Variants in SOD2 observed in about 807,000 individuals in gnomAD.
The protein encoded by SOD2 is superoxide dismutase [Mn], mitochondrial.
SOD2 carries 11 observed loss-of-function variants against 27.0 expected under a neutral mutation model. The ratio of observed to expected loss-of-function variants is 0.41; its 90% CI spans 0.26 to 0.67. The LOEUF (loss-of-function observed/expected upper bound fraction) is 0.67. Among genes scored for constraint, SOD2 ranks in the 30% least tolerant of loss-of-function variants. SOD2 has a pLI of 0.34. For missense variants in SOD2, 250 were observed against 274.5 expected (o/e 0.91, Z 0.63); for synonymous variants, 105 against 103.0 (o/e 1.02, Z -0.12).
At chr6:159,756,071 CAGT>C (rs1203750671) in intron 1 of SOD2, 2 of 154,094 alleles carry the variant, frequency 1.3e-5, no homozygotes, top group Admixed American at 6.5e-5. Context: ...TTGCCCAGTA[CAGT>C]AGTTTTTTAT....
chr6:159,739,186 A>G (rs1474463512), intron 1 of SOD2: 3 of 628,886 alleles, frequency 4.8e-6, no homozygotes, highest in East Asian at 3.1e-5. Context: ...TGAGCATACT[A>G]TGACCTATTT....
intron 1 of SOD2, among the ~76,000 whole-genome samples, chr6:159,732,886 AGTGT>A (rs67554039): frequency 7.5e-4 from 110 of 146,488 alleles, no homozygotes; most frequent in African/African-American, 2.1e-3. Flanking sequence ...ATATATATAT[AGTGT>A]GTGTGTGTGT....
intron 1 of SOD2, among the ~76,000 whole-genome samples, chr6:159,700,412 T>G (rs768341886): frequency 1.1e-4 from 17 of 152,170 alleles, no homozygotes; most frequent in Non-Finnish European, 2.4e-4. Flanking sequence ...CCGAGCACTT[T>G]GGGAGGCCGA....
At chr6:159,754,188 G>GAAAATT (rs1779921526) in intron 1 of SOD2, among the ~76,000 whole-genome samples, 1 of 152,144 alleles carries the variant, frequency 6.6e-6, no homozygotes, top group African/African-American at 2.4e-5. Flanking sequence ...ATTTTAAATT[G>GAAAATT]AAAATTAGTG....
At chr6:159,727,962 C>T (rs117593249), upstream of SOD2, among the ~76,000 whole-genome samples, 6,312 of 152,330 alleles carry the variant, frequency 0.041, 161 homozygotes, top group Non-Finnish European at 0.063. Context: ...AGAGACCGGC[C>T]ACTCACGGAG....
At chr6:159,687,447 T>C (rs967473188) in intron 3 of SOD2, among the ~76,000 whole-genome samples, 1 of 151,750 alleles carries the variant, frequency 6.6e-6, no homozygotes, top group African/African-American at 2.4e-5. Context: ...ATTGCACCAC[T>C]GCGCTCCAGC....
chr6:159,728,430 C>CG, upstream of SOD2, among the ~76,000 whole-genome samples: 1 of 151,840 alleles, frequency 6.6e-6, no homozygotes, highest in East Asian at 1.9e-4. Flanking sequence ...CAAAACAAAA[C>CG]AAAAAAACTA....
upstream of SOD2, among the ~76,000 whole-genome samples, chr6:159,696,152 T>G (rs557195250): frequency 6.6e-6 from 1 of 152,238 alleles, no homozygotes; most frequent in East Asian, 1.9e-4. Flanking sequence ...TCTGGGGCAG[T>G]CAGTCCTGGG....
chr6:159,682,435 T>C lies in SOD2; in HGVS notation c.*58A>G. ...CAGCTTACTGTATTCTGCAGTACTC[T>C]ATACCACTACAAAAACAGTCATAAA... is the stretch of plus-strand genomic sequence containing the variant. On this transcript the variant is annotated 3_prime_UTR_variant, in exon 5 of 5. Transcript: ENST00000538183. 1 of 1,538,108 alleles carries C rather than the reference T, an allele frequency of 6.5e-7. No homozygotes were observed. The highest frequency in any genetic ancestry group is 2.3e-5 in the East Asian group (1 of 44,136).
At chr6:159,687,749 C>CT (rs1562421283) in intron 3 of SOD2, among the ~76,000 whole-genome samples, 1 of 152,054 alleles carries the variant, frequency 6.6e-6, no homozygotes, top group Non-Finnish European at 1.5e-5. Flanking sequence ...TGGCTCATGC[C>CT]TGTAATCCCA....
intron 1 of SOD2, among the ~76,000 whole-genome samples, chr6:159,722,068 A>AAAAAAAAAAG (rs1200511149): frequency 2.0e-5 from 3 of 149,228 alleles, no homozygotes; most frequent in African/African-American, 7.4e-5. Flanking sequence ...TTCTTTATTA[A>AAAAAAAAAAG]AAAAAAAAAG....
Position 159,737,409 on chromosome 6 carries a change from C to T in SOD2, c.-116+7721G>A, listed in dbSNP as rs541893470. 6.6e-5 allele frequency among the ~76,000 whole-genome samples: 10 copies of T among 152,144 alleles called. No homozygotes were observed. In the South Asian group the frequency reaches 2.1e-3, roughly 32 times the overall value. On this transcript the variant is annotated intron_variant, in intron 1 of 3. Transcript: ENST00000537657. ...TCCATTTTATGGTAATACTATTTTA[C>T]TGGTTAGTATTATAATTTGAAACAT...
At chr6:159,704,844 C>T (rs979590328) in intron 1 of SOD2, among the ~76,000 whole-genome samples, 2 of 152,198 alleles carry the variant, frequency 1.3e-5, no homozygotes, top group Non-Finnish European at 2.9e-5. Context: ...GGGTCCCTGA[C>T]CCCTGAGTAG....
chr6:159,692,263 G>A (rs944252871), intron 2 of SOD2: 6 of 563,660 alleles, frequency 1.1e-5, no homozygotes, highest in Admixed American at 8.9e-5. Context: ...ACACCTACCT[G>A]AGAGACCAAA....
Position 159,739,771 on chromosome 6 carries a change from A to C in SOD2, c.-116+5359T>G, listed in dbSNP as rs186836357. On this transcript the variant is annotated intron_variant, in intron 1 of 3. Coordinates refer to the SOD2 transcript ENST00000537657. ...ATTTTGTTGTTTCCTAGAGTGTGAC[A>C]ATTTCCTACTTTCACCTTTGGACAG... is the stretch of plus-strand genomic sequence containing the variant. 3.7e-3 allele frequency among the ~76,000 whole-genome samples: 554 copies of C among 149,944 alleles called. 3 individuals are homozygous for C. Among genetic ancestry groups the C allele is most frequent in the Non-Finnish European group, 6.4e-3 (435 of 67,716 alleles).
chr6:159,736,336 T>A (rs369148848), intron 1 of SOD2: 1 of 1,507,212 alleles, frequency 6.6e-7, no homozygotes, highest in Non-Finnish European at 9.1e-7. Flanking sequence ...TTGTTTTGGG[T>A]TTTTTGGGGG....
At chr6:159,698,528 C>T (rs1365736971) in intron 1 of SOD2, among the ~76,000 whole-genome samples, 1 of 137,424 alleles carries the variant, frequency 7.3e-6, no homozygotes, top group Admixed American at 7.9e-5. Context: ...GCTGAGATCG[C>T]GCCACTGCAC....
Position 159,673,920 on chromosome 6 carries a change from C to T in SOD2, c.*8573G>A, listed in dbSNP as rs933481759. 6.6e-6 allele frequency: 1 copy of T among 152,108 alleles called. No individual in the cohort carries two copies. Among genetic ancestry groups the T allele is most frequent in the African/African-American group, 2.4e-5 (1 of 41,412 alleles). The allele number at this position is 152,108 out of a possible 1,614,324, so 9.4% of individuals were successfully genotyped here. ...ATAAAAAATGATAAAGTGGATATCACCACCAATCCCACAGAAATACAGAGT... is the reference window on the plus strand; with the variant it reads ...ATAAAAAATGATAAAGTGGATATCATCACCAATCCCACAGAAATACAGAGT... On this transcript the variant is annotated 3_prime_UTR_variant, in exon 5 of 5. Coordinates refer to ENST00000538183, the MANE Select transcript of SOD2 (RefSeq NM_000636.4).
chr6:159,688,278 C>T, intron 2 of SOD2, 36 bp from the exon 3 acceptor site: 2 of 1,287,784 alleles, frequency 1.6e-6, no homozygotes, highest in South Asian at 2.4e-5. Context: ...TTTTTTGTAA[C>T]TCCTACTTTT....
Sources: allele counts gnomAD v4.1 joint callset (sites outside exome capture counted in the v4.1 genomes callset), GRCh38; gene constraint gnomAD v4.1.1; transcripts MANE v1.5; gene names NCBI Gene and HGNC (gene_info 2026-07-23, HGNC 2026-07-21).